CMIP: variants seen among roughly 807,000 people sequenced by gnomAD.
CMIP encodes C-Maf-inducing protein.
A neutral mutation model predicts 97.3 loss-of-function variants in CMIP; 13 were observed. The ratio of observed to expected loss-of-function variants is 0.13; its 90% confidence interval spans 0.09 to 0.21. The LOEUF (loss-of-function observed/expected upper bound fraction) is 0.21, where lower values mean the gene tolerates loss of function less well. Ranked by LOEUF, CMIP falls within the 10% of genes least tolerant of loss-of-function variation. The probability of loss-of-function intolerance (pLI) is 1.00; values close to 1 mark genes in which losing one functional copy is unlikely to be tolerated. For missense variants in CMIP, 847 were observed against 1,024.9 expected, an observed-to-expected ratio of 0.83 and a Z score of 2.37; for synonymous variants, 538 against 436.3, an observed-to-expected ratio of 1.23 and a Z score of -2.91.
At chr16:81,601,404 TG>T (rs10714626) in intron 1 of CMIP, among the ~76,000 whole-genome samples, 6,699 of 152,098 alleles carry the variant, frequency 0.044, 168 homozygotes, top group Non-Finnish European at 0.058. Flanking sequence ...GGGGGCCCAA[TG>T]GGGGCTCTTT....
intron 1 of CMIP, among the ~76,000 whole-genome samples, chr16:81,534,653 A>G (rs893683543): frequency 6.6e-6 from 1 of 152,118 alleles, no homozygotes; most frequent in Non-Finnish European, 1.5e-5. Context: ...TAAAAAAAAA[A>G]ACAAAACTAT....
In CMIP at chr16:81,544,949, G is replaced by A. The variant is rs73596428; in HGVS notation, c.301-62618G>A. Among the ~76,000 whole-genome samples the A allele has an allele frequency of 9.6e-3, 1,458 of 152,190 alleles. 20 individuals carry two copies. Among genetic ancestry groups the A allele is most frequent in the African/African-American group, 0.033 (1,374 of 41,506 alleles). ...AACCCCTCATTTTTTTGGCAGAGAA[G>A]GCTGCCAAATTGGGGCCAGACTCAA... On this transcript the variant is annotated intron_variant, in intron 1 of 20. Transcript: ENST00000537098.
chr16:81,701,610 A>T, intron 15 of CMIP, 50 bp from the exon 16 acceptor site: 1 of 1,613,078 alleles, frequency 6.2e-7, no homozygotes, highest in Non-Finnish European at 8.5e-7. Flanking sequence ...GAGTGTGCTG[A>T]GCTAGGGTGG....
intron 8 of CMIP, among the ~76,000 whole-genome samples, chr16:81,671,162 A>G (rs1166850579): frequency 6.6e-6 from 1 of 152,108 alleles, no homozygotes; most frequent in African/African-American, 2.4e-5. Context: ...ACAGTAACCC[A>G]TTTAAACAAG....
At chr16:81,682,779 A>T (rs1162223864) in intron 10 of CMIP, among the ~76,000 whole-genome samples, 2 of 152,214 alleles carry the variant, frequency 1.3e-5, no homozygotes, top group Non-Finnish European at 2.9e-5. Flanking sequence ...GTGTTCCCAT[A>T]GGAAGGCCCC....
chr16:81,603,833 A>G (rs2091697814), intron 1 of CMIP, among the ~76,000 whole-genome samples: 1 of 152,198 alleles, frequency 6.6e-6, no homozygotes, highest in African/African-American at 2.4e-5. Flanking sequence ...GTCTTTCTCA[A>G]AATAGTTCGT....
At chr16:81,685,303 C>A (rs1484097855) in intron 10 of CMIP, among the ~76,000 whole-genome samples, 1 of 152,198 alleles carries the variant, frequency 6.6e-6, no homozygotes, top group Non-Finnish European at 1.5e-5. Flanking sequence ...TCTGTCCAGA[C>A]CCCGCCTCAG....
At chr16:81,498,170 G>A (rs907126957) in intron 1 of CMIP, among the ~76,000 whole-genome samples, 2 of 152,240 alleles carry the variant, frequency 1.3e-5, no homozygotes, top group African/African-American at 4.8e-5. Context: ...TTTAACCATA[G>A]AACTCGGCTT....
intron 3 of CMIP, among the ~76,000 whole-genome samples, chr16:81,646,280 G>T (rs912821981): frequency 6.6e-6 from 1 of 150,772 alleles, no homozygotes; most frequent in African/African-American, 2.5e-5. Flanking sequence ...GGATGGATGG[G>T]TGGGTGGTTG....
chr16:81,522,527 A>G (rs1260552401), intron 1 of CMIP, among the ~76,000 whole-genome samples: 1 of 152,212 alleles, frequency 6.6e-6, no homozygotes, highest in East Asian at 1.9e-4. Flanking sequence ...TTCTTTTTGA[A>G]TTTTGAAAAG....
chr16:81,467,034 T>G (rs1191072704), intron 1 of CMIP, among the ~76,000 whole-genome samples: 3 of 152,254 alleles, frequency 2.0e-5, no homozygotes, highest in Non-Finnish European at 2.9e-5. Context: ...AACTGCCCTT[T>G]GAAGCTGTCC....
At chr16:81,644,968 G>T (rs184394519) in intron 3 of CMIP, among the ~76,000 whole-genome samples, 1 of 152,308 alleles carries the variant, frequency 6.6e-6, no homozygotes, top group Admixed American at 6.5e-5. Flanking sequence ...CCGTGGGGAC[G>T]TGATGACAGG....
chr16:81,482,208 A>G (rs1398626109), intron 1 of CMIP, among the ~76,000 whole-genome samples: 1 of 152,116 alleles, frequency 6.6e-6, no homozygotes, highest in Non-Finnish European at 1.5e-5. Flanking sequence ...CCCTGTGGTT[A>G]CACTGGGCTC....
intron 1 of CMIP, among the ~76,000 whole-genome samples, chr16:81,479,399 T>C (rs1908124363): frequency 6.6e-6 from 1 of 152,148 alleles, no homozygotes; most frequent in Admixed American, 6.5e-5. Context: ...AAGTGTGCAG[T>C]TCATTGAGTA....
intron 1 of CMIP, chr16:81,518,835 A>ATT (rs35435211): frequency 0.19 from 23,667 of 123,238 alleles, 2,639 homozygotes; most frequent in East Asian, 0.23. Flanking sequence ...CTGCATCTCT[A>ATT]TTTTTTTTTT....
intron 1 of CMIP, among the ~76,000 whole-genome samples, chr16:81,547,652 C>G (rs865909585): frequency 7.9e-4 from 120 of 152,156 alleles, no homozygotes; most frequent in African/African-American, 2.8e-3. Context: ...GGGATCTCCT[C>G]AGAAGCCTGC....
intron 1 of CMIP, among the ~76,000 whole-genome samples, chr16:81,471,331 CATAA>C (rs1191770963): frequency 2.0e-5 from 3 of 152,176 alleles, no homozygotes; most frequent in Non-Finnish European, 4.4e-5. Flanking sequence ...CATATGCACA[CATAA>C]ATATGTATAG....
At chr16:81,521,781 G>GT (rs2090032850) in intron 1 of CMIP, among the ~76,000 whole-genome samples, 1 of 152,172 alleles carries the variant, frequency 6.6e-6, no homozygotes, top group African/African-American at 2.4e-5. Context: ...TAGGGGGTCA[G>GT]TTGGGTTTTC....
chr16:81,490,092 G>A (rs116032467), intron 1 of CMIP, among the ~76,000 whole-genome samples: 2,044 of 152,304 alleles, frequency 0.013, 58 homozygotes, highest in African/African-American at 0.047. Flanking sequence ...CCAGAGGCCT[G>A]TAGTGTCCCA....
Sources: allele counts gnomAD v4.1 joint callset (sites outside exome capture counted in the v4.1 genomes callset), GRCh38; gene constraint gnomAD v4.1.1; transcripts MANE v1.5; gene names NCBI Gene and HGNC (gene_info 2026-07-23, HGNC 2026-07-21).